Variants in PRR11 observed in about 807,000 individuals in gnomAD.
PRR11 encodes proline-rich protein 11.
Under a neutral mutation model 45.6 loss-of-function variants are expected in PRR11, and 30 were observed. That is an observed-to-expected ratio of 0.66 (90% CI 0.49 to 0.89). PRR11 has a LOEUF of 0.89. Ranked by LOEUF, PRR11 falls within the 40% of genes least tolerant of loss-of-function variation. The pLI, the probability that PRR11 is intolerant of heterozygous loss-of-function variation, is 0.00. For missense variants in PRR11, 373 were observed against 424.8 expected (o/e 0.88, Z 1.07); for synonymous variants, 128 against 153.5 (o/e 0.83, Z 1.23).
intron 4 of PRR11, among the ~76,000 whole-genome samples, chr17:59,187,462 C>T (rs923468293): frequency 3.9e-5 from 6 of 151,980 alleles, no homozygotes; most frequent in East Asian, 1.9e-4. Context: ...CCCAGCTACT[C>T]GGATGGCTGA....
chr17:59,176,803 T>G (rs1242253465), intron 2 of PRR11, among the ~76,000 whole-genome samples: 1 of 150,186 alleles, frequency 6.7e-6, no homozygotes, highest in Admixed American at 6.7e-5. Context: ...TTCAACGGGT[T>G]CTCTTGCCTG....
At chr17:59,196,917 T>A (rs1231750529) in intron 7 of PRR11, among the ~76,000 whole-genome samples, 2 of 152,104 alleles carry the variant, frequency 1.3e-5, no homozygotes, top group Non-Finnish European at 2.9e-5. Flanking sequence ...TGGCACAAGC[T>A]CGGCTCACTA....
At chr17:59,196,255 T>C (rs569707173) in intron 7 of PRR11, among the ~76,000 whole-genome samples, 1 of 152,304 alleles carries the variant, frequency 6.6e-6, no homozygotes, top group South Asian at 2.1e-4. Flanking sequence ...GGAAAAACTA[T>C]ATCTACAATA....
At chr17:59,189,685 A>G (rs1317465651) in intron 4 of PRR11, among the ~76,000 whole-genome samples, 1 of 152,178 alleles carries the variant, frequency 6.6e-6, no homozygotes, top group Admixed American at 6.5e-5. Flanking sequence ...TAGCAAAAAA[A>G]TTAAATTAAA....
In PRR11 at chr17:59,194,836, G is replaced by A. The variant is rs983344724; in HGVS notation, c.725G>A (p.Ser242Asn). 2.5e-6 allele frequency: 4 copies of A among 1,613,152 alleles called. No individual in the cohort carries two copies. Among genetic ancestry groups the A allele is most frequent in the Admixed American group, 1.7e-5 (1 of 59,956 alleles). The change falls in exon 6 of 10, where the codon AGT (serine) becomes AAT (asparagine). Residue 242 changes from serine to asparagine, a missense_variant. By Grantham distance (46) the Ser-to-Asn change is conservative. Coordinates refer to ENST00000262293, the MANE Select transcript of PRR11 (RefSeq NM_018304.4). ...ACTGTAAAATTAAAGAAGACACAGA[G>A]TTTAGATGAAAAGAGGAAGGTAAGA... ...LLTVKLKKTQ[S>N]LDEKRKLIPS... is the part of the protein sequence containing the mutation.
chr17:59,169,951 G>A lies in PRR11; in HGVS notation c.128+71G>A, dbSNP rs1257177663. On this transcript the variant is annotated intron_variant, in intron 2 of 9. Transcript: ENST00000262293. ...AGTTTAAGATAGAGTTTCAGATTTA[G>A]CAAATAAAAATAGAAGGCAGGCCGG... 2.7e-6 allele frequency: 4 copies of A among 1,491,210 alleles called. No individual in the cohort carries two copies. The East Asian group carries it at 7.0e-5, about 26-fold the overall frequency. The allele number at this position is 1,491,210 out of a possible 1,614,324, so 92.4% of individuals were successfully genotyped here.
At chr17:59,178,934 G>T (rs1218112659) in intron 2 of PRR11, among the ~76,000 whole-genome samples, 5 of 152,180 alleles carry the variant, frequency 3.3e-5, no homozygotes, top group Admixed American at 2.6e-4. Context: ...AAGTCAGCAA[G>T]AGACATTAAG....
intron 3 of PRR11, 66 bp from the exon 4 acceptor site, chr17:59,185,374 G>T (rs2046809175): frequency 2.6e-6 from 4 of 1,549,858 alleles, no homozygotes; most frequent in South Asian, 2.4e-5. Context: ...GTCACTTTCT[G>T]GTTCCTGTTT....
chr17:59,160,063 G>A (rs1247096896), intron 1 of PRR11, among the ~76,000 whole-genome samples: 1 of 151,286 alleles, frequency 6.6e-6, no homozygotes, highest in African/African-American at 2.4e-5. Flanking sequence ...TAAAAAATCT[G>A]ATATAGTAAT....
intron 2 of PRR11, 38 bp from the exon 3 acceptor site, chr17:59,185,016 A>G (rs896871537): frequency 3.1e-6 from 5 of 1,592,704 alleles, no homozygotes; most frequent in Admixed American, 3.4e-5. Context: ...ATTCTGACTT[A>G]GGGGTTTTTT....
In PRR11 at chr17:59,193,726, G is replaced by A. The variant is rs757962337; in HGVS notation, c.637G>A (p.Ala213Thr). 8 of 1,613,800 alleles carry A rather than the reference G, an allele frequency of 5.0e-6. No homozygotes were observed. Among genetic ancestry groups the A allele is most frequent in the Non-Finnish European group, 6.8e-6 (8 of 1,179,708 alleles). The change falls in exon 5 of 10, where the codon GCA becomes ACA. Residue 213 changes from alanine (A) to threonine (T), a missense_variant. Transcript: ENST00000262293. ...VLLRKPSLAKALQAGPLKKDG... is the reference protein window; with the variant it reads ...VLLRKPSLAKTLQAGPLKKDG... Reference sequence around the variant, plus strand: ...GCTCAGAAAACCCAGTCTCGCTAAAGCACTTCAGGTAGGTAACAATCTAGT... The same window carrying A: ...GCTCAGAAAACCCAGTCTCGCTAAAACACTTCAGGTAGGTAACAATCTAGT...
intron 7 of PRR11, among the ~76,000 whole-genome samples, chr17:59,196,732 T>G (rs898927321): frequency 2.0e-5 from 3 of 152,182 alleles, no homozygotes; most frequent in Admixed American, 2.0e-4. Flanking sequence ...GCCTATCAAC[T>G]CTGTACATGG....
intron 4 of PRR11, among the ~76,000 whole-genome samples, chr17:59,192,808 C>T (rs2046845528): frequency 6.6e-6 from 1 of 152,216 alleles, no homozygotes; most frequent in Non-Finnish European, 1.5e-5. Context: ...AAGACTTCAA[C>T]ATATGAATTC....
In PRR11 at chr17:59,169,752, C is replaced by T. The variant is rs757177981; in HGVS notation, c.-1C>T. On this transcript the variant is annotated 5_prime_UTR_variant, in exon 2 of 10. Transcript: ENST00000262293. ...TGTAAAAAAATTTCTCTGCAGAAAT[C>T]ATGCCCAAGTTCAAACAACGAAGAC... The T allele has an allele frequency of 1.1e-5, 17 of 1,582,478 alleles. 1 individual carries two copies. In the Admixed American group the frequency reaches 3.4e-4, roughly 32 times the overall value.
intron 1 of PRR11, among the ~76,000 whole-genome samples, chr17:59,157,378 G>A (rs2046630947): frequency 1.3e-5 from 2 of 152,102 alleles, no homozygotes; most frequent in South Asian, 4.1e-4. Flanking sequence ...CTATAGAAGT[G>A]CAAAAGAGAT....
chr17:59,183,215 C>A (rs1395247943), intron 2 of PRR11, among the ~76,000 whole-genome samples: 2 of 152,186 alleles, frequency 1.3e-5, no homozygotes, highest in Non-Finnish European at 2.9e-5. Context: ...CCAAAAGCAT[C>A]TTCAGGGTCT....
chr17:59,179,481 T>G (rs1274734091), intron 2 of PRR11, among the ~76,000 whole-genome samples: 1 of 152,108 alleles, frequency 6.6e-6, no homozygotes, highest in East Asian at 1.9e-4. Context: ...AATCCTAATC[T>G]TCTATCATCT....
intron 9 of PRR11, among the ~76,000 whole-genome samples, chr17:59,198,714 G>A (rs1041235295): frequency 6.6e-6 from 1 of 151,644 alleles, no homozygotes; most frequent in Non-Finnish European, 1.5e-5. Flanking sequence ...ACTCGTGCCT[G>A]TAATCCCGGC....
At chr17:59,180,170 G>A (rs1458240890) in intron 2 of PRR11, among the ~76,000 whole-genome samples, 4 of 126,414 alleles carry the variant, frequency 3.2e-5, no homozygotes, top group South Asian at 2.4e-4. Context: ...TTGCTTTGTC[G>A]CCCAGGCTGG....
Sources: allele counts gnomAD v4.1 joint callset (sites outside exome capture counted in the v4.1 genomes callset), GRCh38; gene constraint gnomAD v4.1.1; transcripts MANE v1.5; gene names NCBI Gene and HGNC (gene_info 2026-07-23, HGNC 2026-07-21).